The following SERBP1 variants were observed in gnomAD, a reference collection of about 807,000 sequenced individuals.
SERBP1 encodes the protein SERPINE1 mRNA-binding protein 1.
SERBP1 carries 6 observed loss-of-function variants against 50.2 expected under a neutral mutation model. The ratio of observed to expected loss-of-function variants is 0.12; its 90% CI spans 0.07 to 0.24. The LOEUF (loss-of-function observed/expected upper bound fraction) is 0.24, where lower values mean the gene tolerates loss of function less well. Among genes scored for constraint, SERBP1 ranks in the 10% least tolerant of loss-of-function variants. The pLI is 1.00. For synonymous variants in SERBP1, 168 were observed against 182.8 expected (o/e 0.92, Z 0.65); for missense variants, 346 against 524.9 (o/e 0.66, Z 3.33).
intron 1 of SERBP1, among the ~76,000 whole-genome samples, chr1:67,426,556 G>A (rs1328599061): frequency 6.6e-6 from 1 of 152,138 alleles, no homozygotes; most frequent in African/African-American, 2.4e-5. Context: ...AGTTTGCCAA[G>A]TTCTCCCCCT....
intron 5 of SERBP1, 104 bp from the exon 6 acceptor site, chr1:67,420,290 T>C (rs1462717651): frequency 1.9e-6 from 2 of 1,040,126 alleles, no homozygotes; most frequent in East Asian, 2.7e-5. Context: ...TGTAATCTTT[T>C]AGAGAAAGAT....
chr1:67,429,279 A>G (rs2100452454), intron 1 of SERBP1, among the ~76,000 whole-genome samples: 1 of 152,326 alleles, frequency 6.6e-6, no homozygotes, highest in East Asian at 1.9e-4. Context: ...ATGTCCTGCA[A>G]TCACCAGTCT....
At chr1:67,429,853 C>T (rs1319299828) in intron 1 of SERBP1, 135 bp downstream of exon 1, 3 of 1,025,726 alleles carry the variant, frequency 2.9e-6, no homozygotes, top group Non-Finnish European at 4.3e-6. Flanking sequence ...GGACTTTTGT[C>T]GCGTGAAGAA....
At position 67,408,908 on chromosome 1, in the gene SERBP1, T is replaced by C. The variant is rs1399050401; in HGVS notation, c.*4299A>G. On this transcript the variant is annotated 3_prime_UTR_variant, in exon 8 of 8. Coordinates refer to ENST00000361219, the MANE Select transcript of SERBP1 (RefSeq NM_001018069.2). The stretch of plus-strand genomic sequence containing the variant: ...GTAAAGTATGCTTTAAAATTACTTC[T>C]AATTTCACAGCTTCCTGTTGGGTAG... The C allele has an allele frequency of 1.3e-5, 2 of 152,310 alleles. No homozygotes were observed. Among genetic ancestry groups the C allele is most frequent in the East Asian group, 3.9e-4 (2 of 5,158 alleles). The allele number at this position is 152,310 out of a possible 1,614,324, so 9.4% of individuals were successfully genotyped here.
chr1:67,423,864 T>TA (rs1198726880), intron 5 of SERBP1, among the ~76,000 whole-genome samples: 13 of 152,196 alleles, frequency 8.5e-5, no homozygotes, highest in African/African-American at 2.4e-4. Flanking sequence ...TTCAAAGCGT[T>TA]AGAGTCAAAT....
intron 1 of SERBP1, among the ~76,000 whole-genome samples, chr1:67,427,807 G>C (rs775116942): frequency 6.6e-6 from 1 of 152,172 alleles, no homozygotes; most frequent in African/African-American, 2.4e-5. Flanking sequence ...AGCTTCTTTT[G>C]ATATACTTAT....
chr1:67,408,749 T>C lies in SERBP1; in HGVS notation c.*4458A>G, dbSNP rs1473630205. On this transcript the variant is annotated 3_prime_UTR_variant, in exon 8 of 8. Transcript: ENST00000361219. ...ACTAAATGTGAAATACTAATCATGG[T>C]ATTTTTTAACAGATTATACACCCCT... 6.6e-6 allele frequency: 1 copy of C among 152,192 alleles called. No individual in the cohort carries two copies. The highest frequency in any genetic ancestry group is 1.5e-5 in the Non-Finnish European group (1 of 68,030). The allele number at this position is 152,192 out of a possible 1,614,324, so 9.4% of individuals were successfully genotyped here. A position where few individuals can be genotyped will look rare whatever the true frequency, so the allele number is the denominator to read the frequency against.
rs539010140 is a variant in SERBP1 at position 67,413,043 on chromosome 1, G to A, written c.*164C>T. The stretch of plus-strand genomic sequence containing the variant: ...CATATTTGTTACTTCTGTGTAGCGG[G>A]AGAAGTTCATTTTTAAAACAGATAA... On this transcript the variant is annotated 3_prime_UTR_variant, in exon 8 of 8. Transcript: ENST00000361219. 3.5e-6 allele frequency: 3 copies of A among 848,060 alleles called. No homozygotes were observed. Among genetic ancestry groups the A allele is most frequent in the East Asian group, 3.3e-5 (1 of 30,264 alleles). 52.5% of individuals were successfully genotyped at this position (848,060 alleles called of 1,614,324 possible). A position where few individuals can be genotyped will look rare whatever the true frequency, so the allele number is the denominator to read the frequency against.
At chr1:67,426,054 G>T in intron 2 of SERBP1, 81 bp downstream of exon 2, 1 of 1,184,072 alleles carries the variant, frequency 8.4e-7, no homozygotes, top group Non-Finnish European at 1.2e-6. Flanking sequence ...AGCAGAGGCT[G>T]CAGTGAGCCA....
intron 1 of SERBP1, among the ~76,000 whole-genome samples, chr1:67,427,104 A>G (rs1286191294): frequency 6.6e-6 from 1 of 151,774 alleles, no homozygotes; most frequent in Non-Finnish European, 1.5e-5. Flanking sequence ...AGAGTCCTCT[A>G]AAAAATTTGC....
At chr1:67,424,477 G>A in intron 4 of SERBP1, 200 bp from the exon 5 acceptor site, 1 of 597,900 alleles carries the variant, frequency 1.7e-6, no homozygotes, top group Non-Finnish European at 2.8e-6. Context: ...ATATAAACTA[G>A]TTAGTTCATA....
chr1:67,427,176 G>A (rs10157981), intron 1 of SERBP1, among the ~76,000 whole-genome samples: 6,026 of 152,204 alleles, frequency 0.04, 429 homozygotes, highest in African/African-American at 0.14. Flanking sequence ...CGTTAAGACC[G>A]CTTTTAAGCA....
intron 1 of SERBP1, among the ~76,000 whole-genome samples, chr1:67,427,996 T>C (rs1009188599): frequency 2.0e-5 from 3 of 152,200 alleles, no homozygotes; most frequent in Non-Finnish European, 4.4e-5. Flanking sequence ...CTAAAGTATG[T>C]CAAGTATTAT....
intron 1 of SERBP1, chr1:67,429,689 A>G: frequency 3.4e-6 from 1 of 289,890 alleles, no homozygotes; most frequent in South Asian, 7.6e-5. Flanking sequence ...GGAAGGCAAC[A>G]GCCTCCCAGG....
intron 5 of SERBP1, among the ~76,000 whole-genome samples, chr1:67,422,949 G>A (rs866790394): frequency 1.8e-4 from 26 of 143,760 alleles, no homozygotes; most frequent in Middle Eastern, 6.8e-3. Context: ...GCAACAGAGC[G>A]AGAATGTCTC....
At chr1:67,419,983 T>G in intron 6 of SERBP1, 26 bp downstream of exon 6, 4 of 1,604,922 alleles carry the variant, frequency 2.5e-6, no homozygotes, top group Non-Finnish European at 3.4e-6. Flanking sequence ...CTGAACATTT[T>G]CAAACACGAC....
In SERBP1 at chr1:67,420,042, C is replaced by A; in HGVS notation, c.918G>T (p.Lys306Asn). The change falls in exon 6 of 8, where the codon AAG becomes AAT. Residue 306 changes from lysine to asparagine, a missense_variant. Coordinates refer to ENST00000361219, the MANE Select transcript of SERBP1 (RefSeq NM_001018069.2). Reference protein sequence around the residue: ...PNEGADGQWKKGFVLHKSKSE... With the variant: ...PNEGADGQWKNGFVLHKSKSE... ...TCTTTGATTTATGAAGAACAAATCC[C>A]TTCTTCCACTGCCCATCAGCACCTT... The A allele has an allele frequency of 1.2e-6, 2 of 1,613,550 alleles. No homozygotes were observed. Among genetic ancestry groups the A allele is most frequent in the African/African-American group, 2.7e-5 (2 of 74,984 alleles).
intron 1 of SERBP1, among the ~76,000 whole-genome samples, chr1:67,428,735 C>CAA (rs34354137): frequency 0.081 from 6,900 of 85,612 alleles, 254 homozygotes; most frequent in Middle Eastern, 0.12. Flanking sequence ...CAAAAGTCCT[C>CAA]AAAAAAAAAA....
chr1:67,429,114 G>GA (rs201066547), intron 1 of SERBP1, among the ~76,000 whole-genome samples: 41 of 149,122 alleles, frequency 2.7e-4, no homozygotes, highest in Middle Eastern at 3.5e-3. Flanking sequence ...ACATGTGGTG[G>GA]AAAAAAAAAA....
Sources: gnomAD v4.1 joint callset for allele counts (sites outside exome capture counted in the v4.1 genomes callset) on GRCh38, gnomAD v4.1.1 for gene constraint, MANE v1.5 for transcripts, NCBI Gene and HGNC (gene_info 2026-07-23, HGNC 2026-07-21) for gene names.